Variants in CFAP52 observed in about 807,000 individuals in gnomAD.
The protein encoded by CFAP52 is cilia and flagella associated protein 52, also known as cilia- and flagella-associated protein 52.
CFAP52 carries 57 observed loss-of-function variants against 70.5 expected under a neutral mutation model. The observed-to-expected ratio is 0.81, with a 90% confidence interval of 0.65 to 1.01. The LOEUF (loss-of-function observed/expected upper bound fraction) is 1.01. CFAP52 is among the 50% of genes least tolerant of loss of function. CFAP52 has a pLI of 0.00. For synonymous variants in CFAP52, 267 were observed against 292.5 expected (o/e 0.91, Z 0.89); for missense variants, 785 against 788.5 (o/e 1.00, Z 0.05).
rs536369160 is a variant in CFAP52, at chr17:9,608,772, GCTTATTCAGCAC to G, written c.854+556_854+567del. ...ACCTTATTTATTGCCATAACAATGT[GCTTATTCAGCAC>G]CTCCTCCAACCAAACCAATGTATTA... is the stretch of plus-strand genomic sequence containing the variant. On this transcript the variant is annotated intron_variant, in intron 7 of 13. Coordinates refer to ENST00000352665, the MANE Select transcript of CFAP52 (RefSeq NM_145054.5). Among the ~76,000 whole-genome samples, 108 of 152,148 alleles carry G rather than the reference GCTTATTCAGCAC, an allele frequency of 7.1e-4. 1 individual carries two copies. The South Asian group carries it at 9.6e-3, about 13-fold the overall frequency.
intron 11 of CFAP52, among the ~76,000 whole-genome samples, chr17:9,636,230 A>AGAAAGAAG (rs1910791980): frequency 6.7e-6 from 1 of 149,176 alleles, no homozygotes; most frequent in African/African-American, 2.5e-5. Flanking sequence ...AAAGAAAGAA[A>AGAAAGAAG]GAAAGAAAGA....
intron 1 of CFAP52, among the ~76,000 whole-genome samples, chr17:9,580,138 C>A (rs867786548): frequency 5.6e-4 from 85 of 152,048 alleles, no homozygotes; most frequent in African/African-American, 2.0e-3. Flanking sequence ...CAAACTATAG[C>A]CCATGGGCCA....
intron 8 of CFAP52, among the ~76,000 whole-genome samples, chr17:9,625,964 T>A (rs1431927276): frequency 6.6e-6 from 1 of 152,250 alleles, no homozygotes; most frequent in Non-Finnish European, 1.5e-5. Flanking sequence ...TACTCTTTCC[T>A]GCTTTCCTGT....
chr17:9,641,968 C>T (rs1404222900), intron 13 of CFAP52, 133 bp downstream of exon 13: 1 of 635,142 alleles, frequency 1.6e-6, no homozygotes, highest in African/African-American at 1.8e-5. Flanking sequence ...CAGATTCCAA[C>T]CAATACTGCA....
intron 3 of CFAP52, among the ~76,000 whole-genome samples, chr17:9,593,950 A>T (rs1343960673): frequency 6.6e-6 from 1 of 152,092 alleles, no homozygotes; most frequent in Admixed American, 6.6e-5. Context: ...GGGCAACAAG[A>T]GTGAAACTCC....
chr17:9,643,444 T>C lies in CFAP52; in HGVS notation c.*246T>C, dbSNP rs1302561615. ...ACATTTTGAATAAATTCTTAGTTGT[T>C]GGTTTTCTGTTATAATTTGTTTTCT... is the stretch of plus-strand genomic sequence containing the variant. On this transcript the variant is annotated 3_prime_UTR_variant, in exon 14 of 14. Coordinates refer to ENST00000352665, the MANE Select transcript of CFAP52 (RefSeq NM_145054.5). 2.9e-6 allele frequency: 1 copy of C among 349,934 alleles called. No homozygotes were observed. The highest frequency in any genetic ancestry group is 5.0e-6 in the Non-Finnish European group (1 of 199,642). The allele number at this position is 349,934 out of a possible 1,614,324, so 21.7% of individuals were successfully genotyped here. A position where few individuals can be genotyped will look rare whatever the true frequency, so the allele number is the denominator to read the frequency against.
At chr17:9,613,147 A>G (rs948382329) in intron 8 of CFAP52, among the ~76,000 whole-genome samples, 1 of 151,732 alleles carries the variant, frequency 6.6e-6, no homozygotes, top group African/African-American at 2.4e-5. Context: ...CCTGTTTTCA[A>G]ACTTCTTTCC....
intron 3 of CFAP52, among the ~76,000 whole-genome samples, chr17:9,593,959 C>T (rs1908879261): frequency 6.6e-6 from 1 of 152,056 alleles, no homozygotes; most frequent in Non-Finnish European, 1.5e-5. Context: ...GAGTGAAACT[C>T]CATCTCAAAA....
At chr17:9,631,586 C>T (rs1036890820) in intron 9 of CFAP52, among the ~76,000 whole-genome samples, 2 of 151,920 alleles carry the variant, frequency 1.3e-5, no homozygotes, top group African/African-American at 4.8e-5. Flanking sequence ...TGAGGAATAG[C>T]AAGAGGGCCA....
At chr17:9,582,632 G>A (rs1908274578) in intron 1 of CFAP52, among the ~76,000 whole-genome samples, 1 of 151,990 alleles carries the variant, frequency 6.6e-6, no homozygotes, top group South Asian at 2.1e-4. Context: ...AATGTCTTTA[G>A]TAATTAAATT....
chr17:9,630,426 A>ATTTTTTTTTTTTTT (rs560084144), intron 9 of CFAP52, among the ~76,000 whole-genome samples: 15 of 127,814 alleles, frequency 1.2e-4, no homozygotes, highest in African/African-American at 3.2e-4. Context: ...AATTTTTGTA[A>ATTTTTTTTTTTTTT]TTTTTTTTTT....
chr17:9,598,680 G>A, intron 5 of CFAP52: 1 of 158,408 alleles, frequency 6.3e-6, no homozygotes, highest in South Asian at 1.9e-4. Context: ...AGAATTGCTT[G>A]AACCTGGGAG....
At chr17:9,635,073 A>T (rs537256830) in intron 10 of CFAP52, among the ~76,000 whole-genome samples, 17 of 152,298 alleles carry the variant, frequency 1.1e-4, no homozygotes, top group African/African-American at 3.8e-4. Context: ...GATCAGCAAA[A>T]GTGAATAGAC....
rs769465711 is a variant in CFAP52 at position 9,612,396 on chromosome 17, T to C, written c.942T>C (p.Ile314=). The change falls in exon 8 of 14, where the codon ATT becomes ATC. Residue 314 remains isoleucine (I), a synonymous_variant. Transcript: ENST00000352665. ...QFLVGTEESH[I]YRVSFTDFKE... ...TCGTAGGAACAGAAGAATCGCACAT[T>C]TATCGTGTCAGCTTCACGGATTTCA... The C allele has an allele frequency of 6.8e-6, 11 of 1,614,082 alleles. No homozygotes were observed. Among genetic ancestry groups the C allele is most frequent in the Non-Finnish European group, 9.3e-6 (11 of 1,180,042 alleles).
At chr17:9,596,077 ATATATATATATATATATATATATATG>A (rs1567624002) in intron 4 of CFAP52, among the ~76,000 whole-genome samples, 1 of 137,754 alleles carries the variant, frequency 7.3e-6, no homozygotes, top group African/African-American at 2.6e-5. Flanking sequence ...ATATATATAT[ATATATATATATATATATATATATATG>A]TACACATATA....
intron 8 of CFAP52, among the ~76,000 whole-genome samples, chr17:9,623,430 A>T (rs1032050893): frequency 1.3e-5 from 2 of 152,150 alleles, no homozygotes; most frequent in African/African-American, 4.8e-5. Flanking sequence ...ATTTAATATA[A>T]TCTTTCATAT....
chr17:9,632,714 G>A (rs1231578938), intron 9 of CFAP52, among the ~76,000 whole-genome samples, 174 bp from the exon 10 acceptor site: 1 of 147,600 alleles, frequency 6.8e-6, no homozygotes, highest in Non-Finnish European at 1.5e-5. Flanking sequence ...GATGGGTGGT[G>A]GCAACCTGTA....
chr17:9,584,448 G>C lies in CFAP52; in HGVS notation c.71-1325G>C, dbSNP rs1279398740. The C allele has an allele frequency of 3.6e-6, 4 of 1,116,034 alleles. No individual in the cohort carries two copies. In the South Asian group the frequency reaches 4.5e-5, roughly 13 times the overall value. The allele number at this position is 1,116,034 out of a possible 1,614,324, so 69.1% of individuals were successfully genotyped here. ...TATTGAGGCATACTTGACATATTAA[G>C]GTTGTATCAATTTAAAGTGTATAAC... On this transcript the variant is annotated intron_variant, in intron 1 of 13. Coordinates refer to ENST00000352665, the MANE Select transcript of CFAP52 (RefSeq NM_145054.5).
At chr17:9,632,866 T>A (rs1005997761) in intron 9 of CFAP52, 22 bp from the exon 10 acceptor site, 32 of 1,612,254 alleles carry the variant, frequency 2.0e-5, no homozygotes, top group Non-Finnish European at 2.4e-5. Flanking sequence ...CCTGCCTGCC[T>A]TTTGTTTCCC....
Sources: gnomAD v4.1 joint callset for allele counts (sites outside exome capture counted in the v4.1 genomes callset) on GRCh38, gnomAD v4.1.1 for gene constraint, MANE v1.5 for transcripts, NCBI Gene and HGNC (gene_info 2026-07-23, HGNC 2026-07-21) for gene names.